The following RXFP3 variants were observed in gnomAD, a reference collection of about 807,000 sequenced individuals.
The protein encoded by RXFP3 is relaxin family peptide receptor 3, also known as relaxin-3 receptor 1.
Under a neutral mutation model 27.3 loss-of-function variants are expected in RXFP3, and 31 were observed. The ratio of observed to expected loss-of-function variants is 1.13; its 90% CI spans 0.85 to 1.53. The LOEUF (loss-of-function observed/expected upper bound fraction) is 1.53, where lower values mean the gene tolerates loss of function less well. RXFP3 is among the 40% of genes most tolerant of loss of function. The pLI, the probability that RXFP3 is intolerant of heterozygous loss-of-function variation, is 0.00. For synonymous variants in RXFP3, 351 were observed against 293.6 expected (o/e 1.20, Z -2.00); for missense variants, 684 against 642.1 (o/e 1.07, Z -0.70).
rs78479587 is a variant in RXFP3 at position 33,936,633 on chromosome 5, T to A, written c.-108T>A. The A allele has an allele frequency of 3.2e-4, 356 of 1,117,902 alleles. 2 individuals are homozygous for A. The African/African-American group carries it at 5.2e-3, about 16-fold the overall frequency. 69.2% of individuals were successfully genotyped at this position (1,117,902 alleles called of 1,614,324 possible). A position where few individuals can be genotyped will look rare whatever the true frequency, so the allele number is the denominator to read the frequency against. On this transcript the variant is annotated 5_prime_UTR_variant, in exon 1 of 1. Coordinates refer to ENST00000330120, the MANE Select transcript of RXFP3 (RefSeq NM_016568.3). ...CCTGGGCTCTCTCTTCAGTAGCTGCTTTGAAAGCTCCCACGCACGTCCCGC... is the reference window on the plus strand; with the variant it reads ...CCTGGGCTCTCTCTTCAGTAGCTGCATTGAAAGCTCCCACGCACGTCCCGC...
Position 33,937,980 on chromosome 5 carries a change from A to G in RXFP3, c.1240A>G (p.Ser414Gly), listed in dbSNP as rs748240970. 20 of 1,612,988 alleles carry G rather than the reference A, an allele frequency of 1.2e-5. No individual in the cohort carries two copies. Among genetic ancestry groups the G allele is most frequent in the East Asian group, 1.1e-4 (5 of 44,872 alleles). ...GCGCATCGCGTCTCCTTCGATCACC[A>G]GCATGCGCCCCTTCACCGCCACTAC... ...LWRIASPSIT[S>G]MRPFTATTKP... Residue 414 changes from serine (S) to glycine (G), a missense_variant, in exon 1 of 1, where the codon AGC becomes GGC. Physicochemically the swap from Ser to Gly is moderately conservative, Grantham distance 56. Transcript: ENST00000330120.
In RXFP3 at chr5:33,936,553, C is replaced by T. The variant is rs1751667061; in HGVS notation, c.-188C>T. ...TCTGCTCCAAAGCAGCCGCTGAGCT[C>T]AACTCCTGCGTCCAGGGCGTTCGCT... On this transcript the variant is annotated 5_prime_UTR_variant, in exon 1 of 1. Coordinates refer to ENST00000330120, the MANE Select transcript of RXFP3 (RefSeq NM_016568.3). 3 of 508,350 alleles carry T rather than the reference C, an allele frequency of 5.9e-6. No individual in the cohort carries two copies. In the East Asian group the frequency reaches 9.2e-5, roughly 16 times the overall value. 31.5% of individuals were successfully genotyped at this position (508,350 alleles called of 1,614,324 possible).
Position 33,937,920 on chromosome 5 carries a change from C to T in RXFP3, c.1180C>T (p.Arg394Cys), listed in dbSNP as rs376877208. 22 of 1,613,612 alleles carry T rather than the reference C, an allele frequency of 1.4e-5. No homozygotes were observed. In the African/African-American group the frequency reaches 2.8e-4, roughly 21 times the overall value. Residue 394 changes from arginine (R) to cysteine (C), a missense_variant, in exon 1 of 1, where the codon CGC (arginine) becomes TGC (cysteine). Physicochemically the swap from Arg to Cys is radical, Grantham distance 180 (BLOSUM62 -3). Transcript: ENST00000330120. ...LNPVLYCLVR[R>C]EFRKALKSLL... The stretch of plus-strand genomic sequence containing the variant: ...CCCCGTCCTCTACTGCCTCGTGCGC[C>T]GCGAGTTCCGCAAGGCGCTCAAGAG...
In RXFP3 at chr5:33,938,323, G is replaced by C. The variant is rs777522330; in HGVS notation, c.*173G>C. ...GGATAGGCCGAGGACCTTCTCTGGAGAGGAGATGCTTCGAAATCGGGTGGA... is the reference window on the plus strand; with the variant it reads ...GGATAGGCCGAGGACCTTCTCTGGACAGGAGATGCTTCGAAATCGGGTGGA... On this transcript the variant is annotated 3_prime_UTR_variant, in exon 1 of 1. Coordinates refer to ENST00000330120, the MANE Select transcript of RXFP3 (RefSeq NM_016568.3). 8 of 637,674 alleles carry C rather than the reference G, an allele frequency of 1.3e-5. No homozygotes were observed. Among genetic ancestry groups the C allele is most frequent in the Admixed American group, 1.2e-4 (4 of 33,800 alleles). The allele number at this position is 637,674 out of a possible 1,614,324, so 39.5% of individuals were successfully genotyped here. A position where few individuals can be genotyped will look rare whatever the true frequency, so the allele number is the denominator to read the frequency against.
Position 33,937,499 on chromosome 5 carries a change from C to G in RXFP3, c.759C>G (p.Asp253Glu). ...AGCTGTGCCTGGTGCGTTTCCCGGACAAGTTGCTGGGCCGCGACAGGCAGT... is the reference window on the plus strand; with the variant it reads ...AGCTGTGCCTGGTGCGTTTCCCGGAGAAGTTGCTGGGCCGCGACAGGCAGT... ...GEELCLVRFPDKLLGRDRQFW... is the reference protein window; with the variant it reads ...GEELCLVRFPEKLLGRDRQFW... The change falls in exon 1 of 1, where the codon GAC (aspartate) becomes GAG (glutamate). Residue 253 changes from aspartate to glutamate, a missense_variant. Transcript: ENST00000330120. 6.3e-7 allele frequency: 1 copy of G among 1,597,094 alleles called. No individual in the cohort carries two copies. Among genetic ancestry groups the G allele is most frequent in the Non-Finnish European group, 8.5e-7 (1 of 1,172,064 alleles).
In RXFP3 at chr5:33,938,603, C is replaced by T. The variant is rs1373917750; in HGVS notation, c.*453C>T. Among the ~76,000 whole-genome samples the T allele has an allele frequency of 2.6e-5, 4 of 152,242 alleles. No individual in the cohort carries two copies. The highest frequency in any genetic ancestry group is 5.9e-5 in the Non-Finnish European group (4 of 68,046). On this transcript the variant is annotated 3_prime_UTR_variant, in exon 1 of 1. Transcript: ENST00000330120. ...AGCCGTCGGCACAAACACTCCTTTGCGTCTTGGCAAACGAGACTGCAGCAG... is the reference window on the plus strand; with the variant it reads ...AGCCGTCGGCACAAACACTCCTTTGTGTCTTGGCAAACGAGACTGCAGCAG...
At position 33,936,887 on chromosome 5, in the gene RXFP3, G is replaced by A; in HGVS notation, c.147G>A (p.Trp49Ter). The A allele has an allele frequency of 6.2e-7, 1 of 1,602,096 alleles. No homozygotes were observed. The highest frequency in any genetic ancestry group is 8.5e-7 in the Non-Finnish European group (1 of 1,171,230). The change falls in exon 1 of 1, where the codon TGG (tryptophan) becomes TGA (stop). Residue 49 changes from tryptophan to a stop codon, truncating the protein, a stop_gained. Coordinates refer to ENST00000330120, the MANE Select transcript of RXFP3 (RefSeq NM_016568.3). LOFTEE classifies it high-confidence loss of function. ...CGTCGCTGCAGCTTCCGGACTTGTG[G>A]TGGGAGCTGGGGCTGGAGTTGCCGG... Reference protein sequence around the residue: ...GNASLQLPDLWWELGLELPDG... With the variant: ...GNASLQLPDL
rs986830099 is a variant in RXFP3 at position 33,937,632 on chromosome 5, C to T, written c.892C>T (p.Arg298Cys). Reference sequence around the variant, plus strand: ...GCTGGTGCGCTTCATCGCCGACCGCCGCGCGGCGGGGACCAAAGGAGGGGC... The same window carrying T: ...GCTGGTGCGCTTCATCGCCGACCGCTGCGCGGCGGGGACCAAAGGAGGGGC... The part of the protein sequence containing the change: ...LLLVRFIADR[R>C]AAGTKGGAAV... The change falls in exon 1 of 1, where the codon CGC becomes TGC. Residue 298 changes from arginine (R) to cysteine (C), a missense_variant. Physicochemically the swap from Arg to Cys is radical, Grantham distance 180. Transcript: ENST00000330120. 1.9e-6 allele frequency: 3 copies of T among 1,593,418 alleles called. No homozygotes were observed. The highest frequency in any genetic ancestry group is 2.3e-5 in the East Asian group (1 of 43,718).
rs372932852 is a variant in RXFP3 at position 33,937,163 on chromosome 5, G to A, written c.423G>A (p.Glu141=). The A allele has an allele frequency of 3.1e-6, 5 of 1,613,592 alleles. No individual in the cohort carries two copies. The African/African-American group carries it at 6.7e-5, about 21-fold the overall frequency. Residue 141 remains glutamate (E), a synonymous_variant, in exon 1 of 1, where the codon GAG becomes GAA. Transcript: ENST00000330120. ...FVLTLPFWAV[E]NALDFKWPFG... ...TCACCCTGCCCTTCTGGGCGGTGGA[G>A]AACGCTCTTGACTTCAAATGGCCCT... is the stretch of plus-strand genomic sequence containing the variant.
chr5:33,938,251 A>G lies in RXFP3; in HGVS notation c.*101A>G. On this transcript the variant is annotated 3_prime_UTR_variant, in exon 1 of 1. Coordinates refer to ENST00000330120, the MANE Select transcript of RXFP3 (RefSeq NM_016568.3). ...GGAGGGCTGGGGGGGGCCCCATTTA[A>G]GAAGTAGGTGGGAGGAGGATGGGCA... The G allele has an allele frequency of 9.5e-7, 1 of 1,057,004 alleles. No individual in the cohort carries two copies. The highest frequency in any genetic ancestry group is 1.4e-6 in the Non-Finnish European group (1 of 736,258). The allele number at this position is 1,057,004 out of a possible 1,614,324, so 65.5% of individuals were successfully genotyped here.
rs760661170 is a variant in RXFP3, at chr5:33,937,727, C to A, written c.987C>A (p.Thr329=). 3.1e-6 allele frequency: 5 copies of A among 1,613,904 alleles called. No individual in the cohort carries two copies. The East Asian group carries it at 8.9e-5, about 29-fold the overall frequency. ...RRLSKVTKSV[T]IVVLSFFLCW... ...TGTCGAAGGTCACCAAATCAGTGAC[C>A]ATCGTTGTCCTGTCCTTCTTCCTGT... is the stretch of plus-strand genomic sequence containing the variant. Residue 329 remains threonine, a synonymous_variant, in exon 1 of 1, where the codon ACC becomes ACA. Transcript: ENST00000330120.
Position 33,937,836 on chromosome 5 carries a change from T to A in RXFP3, c.1096T>A (p.Cys366Ser), listed in dbSNP as rs779803268. Residue 366 changes from cysteine (C) to serine (S), a missense_variant, in exon 1 of 1, where the codon TGC becomes AGC. Transcript: ENST00000330120. Reference protein sequence around the residue: ...AVPFSQEYFLCQVYAFPVSVC... With the variant: ...AVPFSQEYFLSQVYAFPVSVC... ...GCCCTTCAGCCAGGAGTATTTCCTG[T>A]GCCAGGTATACGCGTTCCCTGTGAG... 1.9e-6 allele frequency: 3 copies of A among 1,614,198 alleles called. No homozygotes were observed. The highest frequency in any genetic ancestry group is 1.7e-6 in the Non-Finnish European group (2 of 1,180,046).
chr5:33,937,051 A>T lies in RXFP3; in HGVS notation c.311A>T (p.Tyr104Phe), dbSNP rs1751682208. Residue 104 changes from tyrosine (Y) to phenylalanine (F), a missense_variant, in exon 1 of 1, where the codon TAC (tyrosine) becomes TTC (phenylalanine). Coordinates refer to ENST00000330120, the MANE Select transcript of RXFP3 (RefSeq NM_016568.3). ...LGLAGNLLVL[Y>F]LMKSMQGWRK... is the part of the protein sequence containing the mutation. ...TTGGCGGGCAACCTGCTGGTTCTCT[A>T]CCTGATGAAGAGCATGCAGGGCTGG... 6.2e-7 allele frequency: 1 copy of T among 1,614,172 alleles called. No homozygotes were observed. Among genetic ancestry groups the T allele is most frequent in the Non-Finnish European group, 8.5e-7 (1 of 1,180,030 alleles).
chr5:33,937,561 T>TGGGCTTCGTGCTGCC lies in RXFP3; in HGVS notation c.823_837dup (p.Gly275_Pro279dup). ...CTCTACCACTCGCAGAAGGTGCTGCTGGGCTTCGTGCTGCCGCTGGGCATC... is the reference window on the plus strand; with the variant it reads ...CTCTACCACTCGCAGAAGGTGCTGCTGGGCTTCGTGCTGCCGGGCTTCGTGCTGCCGCTGGGCATC... On this transcript the variant is annotated inframe_insertion, in exon 1 of 1. Coordinates refer to ENST00000330120, the MANE Select transcript of RXFP3 (RefSeq NM_016568.3). 1 of 1,570,814 alleles carries TGGGCTTCGTGCTGCC rather than the reference T, an allele frequency of 6.4e-7. No homozygotes were observed. Among genetic ancestry groups the TGGGCTTCGTGCTGCC allele is most frequent in the Non-Finnish European group, 8.6e-7 (1 of 1,158,202 alleles).
In RXFP3 at chr5:33,938,401, C is replaced by T. The variant is rs1031555815; in HGVS notation, c.*251C>T. ...CGAGCCCCACGGGCCAGACAGCCAA[C>T]CTCCGCTCCGCACCCCACAGCCTCT... On this transcript the variant is annotated 3_prime_UTR_variant, in exon 1 of 1. Coordinates refer to ENST00000330120, the MANE Select transcript of RXFP3 (RefSeq NM_016568.3). Among the ~76,000 whole-genome samples the T allele has an allele frequency of 6.6e-6, 1 of 152,234 alleles. No homozygotes were observed. Among genetic ancestry groups the T allele is most frequent in the African/African-American group, 2.4e-5 (1 of 41,468 alleles).
chr5:33,938,291 A>G lies in RXFP3; in HGVS notation c.*141A>G, dbSNP rs1751723206. ...GAGGATGGGCAGAGCATGGAGGAGG[A>G]GCCTGTGGATAGGCCGAGGACCTTC... On this transcript the variant is annotated 3_prime_UTR_variant, in exon 1 of 1. Transcript: ENST00000330120. 2 of 728,730 alleles carry G rather than the reference A, an allele frequency of 2.7e-6. No homozygotes were observed. Among genetic ancestry groups the G allele is most frequent in the Non-Finnish European group, 4.5e-6 (2 of 441,816 alleles). 45.1% of individuals were successfully genotyped at this position (728,730 alleles called of 1,614,324 possible).
In RXFP3 at chr5:33,938,116, G is replaced by C. The variant is rs746753790; in HGVS notation, c.1376G>C (p.Arg459Pro). The change falls in exon 1 of 1, where the codon CGC becomes CCC. Residue 459 changes from arginine (R) to proline (P), a missense_variant. Physicochemically the swap from Arg to Pro is moderately radical, Grantham distance 103 (BLOSUM62 -2). Transcript: ENST00000330120. ...PPGVVVYSGG[R>P]YDLLPSSSAY ...GGCGTCGTGGTCTACAGCGGGGGGC[G>C]CTACGACCTGCTGCCCAGCAGCTCT... 1 of 1,606,206 alleles carries C rather than the reference G, an allele frequency of 6.2e-7. No individual in the cohort carries two copies. The highest frequency in any genetic ancestry group is 1.1e-5 in the South Asian group (1 of 90,638).
Position 33,937,666 on chromosome 5 carries a change from C to T in RXFP3, c.926C>T (p.Ala309Val), listed in dbSNP as rs760708016. Residue 309 changes from alanine to valine, a missense_variant, in exon 1 of 1, where the codon GCC becomes GTC. Physicochemically the swap from Ala to Val is moderately conservative, Grantham distance 64 (BLOSUM62 0). Coordinates refer to ENST00000330120, the MANE Select transcript of RXFP3 (RefSeq NM_016568.3). The stretch of plus-strand genomic sequence containing the variant: ...GGGACCAAAGGAGGGGCCGCGGTAG[C>T]CGGAGGACGCCCGACCGGAGCCAGC... ...AAGTKGGAAV[A>V]GGRPTGASAR... 2.5e-6 allele frequency: 4 copies of T among 1,608,250 alleles called. No homozygotes were observed. The highest frequency in any genetic ancestry group is 2.5e-6 in the Non-Finnish European group (3 of 1,177,670).
Position 33,938,196 on chromosome 5 carries a change from C to A in RXFP3, c.*46C>A. On this transcript the variant is annotated 3_prime_UTR_variant, in exon 1 of 1. Transcript: ENST00000330120. The stretch of plus-strand genomic sequence containing the variant: ...CGCGCCGTCGGGGCAAGGTGGCCTT[C>A]CCCGGGCGGTAAAGAGGTGAAAGGA... 2 of 1,509,910 alleles carry A rather than the reference C, an allele frequency of 1.3e-6. No homozygotes were observed. Among genetic ancestry groups the A allele is most frequent in the Non-Finnish European group, 1.8e-6 (2 of 1,126,054 alleles). 93.5% of individuals were successfully genotyped at this position (1,509,910 alleles called of 1,614,324 possible). A position where few individuals can be genotyped will look rare whatever the true frequency, so the allele number is the denominator to read the frequency against.
Sources: gnomAD v4.1 joint callset for allele counts (sites outside exome capture counted in the v4.1 genomes callset) on GRCh38, gnomAD v4.1.1 for gene constraint, MANE v1.5 for transcripts, NCBI Gene and HGNC (gene_info 2026-07-23, HGNC 2026-07-21) for gene names.